Variants in PTK2 observed in about 807,000 individuals in gnomAD.
The protein encoded by PTK2 is focal adhesion kinase 1.
Under a neutral mutation model 150.1 loss-of-function variants are expected in PTK2, and 45 were observed. The observed-to-expected ratio is 0.30, with a 90% confidence interval of 0.24 to 0.38. PTK2 has a LOEUF of 0.38. Ranked by LOEUF, PTK2 falls within the 10% of genes least tolerant of loss-of-function variation. The pLI is 1.00. For missense variants in PTK2, 919 were observed against 1,307.3 expected, an observed-to-expected ratio of 0.70 and a Z score of 4.58; for synonymous variants, 432 against 449.2, an observed-to-expected ratio of 0.96 and a Z score of 0.48.
At chr8:140,772,707 TAACAAC>T (rs772227995) in intron 14 of PTK2, among the ~76,000 whole-genome samples, 3 of 151,626 alleles carry the variant, frequency 2.0e-5, no homozygotes, top group Admixed American at 6.6e-5. Flanking sequence ...AGGAAAAAAC[TAACAAC>T]AACAACAACA....
chr8:140,829,005 G>C (rs940729454), intron 8 of PTK2, among the ~76,000 whole-genome samples: 2 of 152,174 alleles, frequency 1.3e-5, no homozygotes, highest in African/African-American at 4.8e-5. Flanking sequence ...ACAGTGTCTC[G>C]ATCTGTAGTC....
intron 7 of PTK2, among the ~76,000 whole-genome samples, chr8:140,838,793 T>C (rs554475278): frequency 6.6e-6 from 1 of 152,120 alleles, no homozygotes; most frequent in East Asian, 1.9e-4. Flanking sequence ...GATCACAAGG[T>C]CAGGAGATCG....
rs71308981 is a variant in PTK2 at position 140,697,852 on chromosome 8, GTTTTTTTTTTT to G, written c.2499+3028_2499+3038del. On this transcript the variant is annotated intron_variant, in intron 26 of 31. Coordinates refer to ENST00000522684, the Ensembl canonical transcript of PTK2. ...GATCCTCCTCCCTTTAGGGTTTACTGTTTTTTTTTTTTTTTTTTTTTTTTTTTTTGCCACAG... is the reference window on the plus strand; with the variant it reads ...GATCCTCCTCCCTTTAGGGTTTACTGTTTTTTTTTTTTTTTTTTGCCACAG... 1.1e-3 allele frequency among the ~76,000 whole-genome samples: 51 copies of G among 48,032 alleles called. No individual in the cohort carries two copies. The South Asian group carries it at 0.023, about 21-fold the overall frequency. The allele number at this position is 48,032 out of a possible 152,430, so 31.5% of individuals were successfully genotyped here.
intron 14 of PTK2, among the ~76,000 whole-genome samples, chr8:140,788,842 C>T (rs2100086567): frequency 6.6e-6 from 1 of 152,102 alleles, no homozygotes; most frequent in South Asian, 2.1e-4. Context: ...TATATATGTG[C>T]ATATACAGAT....
At chr8:140,899,122 A>T (rs2100157463) in intron 2 of PTK2, among the ~76,000 whole-genome samples, 1 of 152,204 alleles carries the variant, frequency 6.6e-6, no homozygotes, top group Non-Finnish European at 1.5e-5. Context: ...CTAACATGAA[A>T]TTACTTAATG....
At chr8:140,940,323 T>C (rs1170970126) in intron 1 of PTK2, among the ~76,000 whole-genome samples, 1 of 151,192 alleles carries the variant, frequency 6.6e-6, no homozygotes, top group Non-Finnish European at 1.5e-5. Context: ...AACAAAAAAA[T>C]TGGCCAGGTG....
intron 2 of PTK2, among the ~76,000 whole-genome samples, chr8:140,920,063 C>T (rs1248346414): frequency 6.6e-6 from 1 of 151,974 alleles, no homozygotes; most frequent in Non-Finnish European, 1.5e-5. Flanking sequence ...AAAATCTTTC[C>T]TAAGGGAGTA....
intron 2 of PTK2, among the ~76,000 whole-genome samples, chr8:140,919,775 T>C (rs2154608241): frequency 6.6e-6 from 1 of 152,184 alleles, no homozygotes; most frequent in African/African-American, 2.4e-5. Context: ...AGCAAAATAT[T>C]TACTCTGAGT....
chr8:140,920,789 G>C, intron 2 of PTK2: 1 of 1,451,262 alleles, frequency 6.9e-7, no homozygotes, highest in Non-Finnish European at 9.0e-7. Flanking sequence ...AAATAAAACG[G>C]AACATATTTT....
chr8:140,962,161 T>C (rs62521936), intron 1 of PTK2, among the ~76,000 whole-genome samples: 63,812 of 147,358 alleles, frequency 0.43, 14,303 homozygotes, highest in Admixed American at 0.56. Flanking sequence ...GTGGAGGTTG[T>C]AGTGAGCTGA....
At position 140,832,966 on chromosome 8, in the gene PTK2, C is replaced by T; in HGVS notation, c.594-2440G>A. 5.8e-6 allele frequency: 3 copies of T among 518,890 alleles called. 1 individual carries two copies. Among genetic ancestry groups the T allele is most frequent in the South Asian group, 2.8e-5 (2 of 71,594 alleles). 32.1% of individuals were successfully genotyped at this position (518,890 alleles called of 1,614,324 possible). A position where few individuals can be genotyped will look rare whatever the true frequency, so the allele number is the denominator to read the frequency against. ...TCCGCCACTGTGTGGCTGTCAACTG[C>T]TATTAATCAACCCAGCTACACATCT... On this transcript the variant is annotated intron_variant, in intron 7 of 31. Coordinates refer to ENST00000522684, the Ensembl canonical transcript of PTK2.
At chr8:140,831,714 A>G (rs577956709) in intron 7 of PTK2, among the ~76,000 whole-genome samples, 1 of 152,330 alleles carries the variant, frequency 6.6e-6, no homozygotes, top group African/African-American at 2.4e-5. Context: ...GGTTTTACCC[A>G]TCAGTTAATT....
chr8:140,903,824 G>A (rs980235984), intron 2 of PTK2, among the ~76,000 whole-genome samples: 2 of 152,176 alleles, frequency 1.3e-5, no homozygotes, highest in Admixed American at 6.5e-5. Context: ...AGGAATGCTT[G>A]TAATTTTTGC....
rs146743778 is a variant in PTK2 at position 140,816,988 on chromosome 8, T to C, written c.867+1289A>G. On this transcript the variant is annotated intron_variant, in intron 10 of 31. Transcript: ENST00000522684. The stretch of plus-strand genomic sequence containing the variant: ...AAAAAGCAGTAGTACATAGATTATA[T>C]ATAAAGGAGTATTTATTATGTCATT... Among the ~76,000 whole-genome samples, 687 of 152,300 alleles carry C rather than the reference T, an allele frequency of 4.5e-3. 4 individuals carry two copies. Among genetic ancestry groups the C allele is most frequent in the African/African-American group, 0.016 (650 of 41,564 alleles).
chr8:140,999,486 A>G (rs1031168185), intron 1 of PTK2, among the ~76,000 whole-genome samples: 4 of 152,266 alleles, frequency 2.6e-5, no homozygotes, highest in Non-Finnish European at 5.9e-5. Context: ...ACAAAACACA[A>G]AGATATTGGG....
At chr8:140,746,935 G>A in intron 17 of PTK2, 75 bp from the exon 21 acceptor site, 1 of 999,900 alleles carries the variant, frequency 1.0e-6, no homozygotes, top group Non-Finnish European at 1.5e-6. Flanking sequence ...TCTGTCACCA[G>A]GCTGGAGTGC....
intron 22 of PTK2, among the ~76,000 whole-genome samples, chr8:140,730,878 T>C (rs1481024190): frequency 6.7e-6 from 1 of 150,186 alleles, no homozygotes; most frequent in East Asian, 1.9e-4. Context: ...AGGCAAATAA[T>C]AAAGCTGTTT....
intron 14 of PTK2, among the ~76,000 whole-genome samples, chr8:140,767,878 T>C (rs1402171177): frequency 6.6e-6 from 1 of 152,166 alleles, no homozygotes; most frequent in Non-Finnish European, 1.5e-5. Flanking sequence ...TTTTACATAT[T>C]CAAGGGCCCT....
intron 29 of PTK2, among the ~76,000 whole-genome samples, chr8:140,671,527 A>G (rs1382010006): frequency 2.6e-5 from 4 of 152,120 alleles, no homozygotes; most frequent in Admixed American, 2.6e-4. Context: ...GCTGCATTGC[A>G]GTATTAGAAC....
Sources: allele counts gnomAD v4.1 joint callset (sites outside exome capture counted in the v4.1 genomes callset), GRCh38; gene constraint gnomAD v4.1.1; transcripts MANE v1.5; gene names NCBI Gene and HGNC (gene_info 2026-07-23, HGNC 2026-07-21).